Variants in PKP1 observed in about 807,000 individuals in gnomAD.
The protein encoded by PKP1 is plakophilin-1.
In PKP1, 27 loss-of-function variants were observed where a neutral mutation model predicts 76.4. The ratio of observed to expected loss-of-function variants is 0.35; its 90% CI spans 0.26 to 0.49. The LOEUF is 0.49. PKP1 is among the 20% of genes least tolerant of loss of function. PKP1 has a pLI of 0.99. For missense variants in PKP1, 964 were observed against 955.2 expected, an observed-to-expected ratio of 1.01 and a Z score of -0.12; for synonymous variants, 404 against 384.2, an observed-to-expected ratio of 1.05 and a Z score of -0.60.
At chr1:201,320,204 C>T (rs1019156719) in intron 6 of PKP1, 63 bp from the exon 7 acceptor site, 1 of 1,051,532 alleles carries the variant, frequency 9.5e-7, no homozygotes, top group Non-Finnish European at 1.5e-6. Flanking sequence ...CTCTCTTGTC[C>T]CCACCTTCCC....
At chr1:201,311,287 GA>G (rs1035325551) in intron 2 of PKP1, among the ~76,000 whole-genome samples, 7 of 152,314 alleles carry the variant, frequency 4.6e-5, no homozygotes, top group African/African-American at 1.4e-4. Flanking sequence ...CAGATGCTCA[GA>G]AAATTGCCCA....
intron 11 of PKP1, 63 bp from the exon 12 acceptor site, chr1:201,325,691 G>A: frequency 1.6e-6 from 2 of 1,250,156 alleles, no homozygotes; most frequent in Non-Finnish European, 1.2e-6. Flanking sequence ...TGGGAGGGAA[G>A]AGGGTGCTCC....
At chr1:201,325,273 G>A (rs962210728) in intron 11 of PKP1, 146 bp downstream of exon 11, 8 of 834,696 alleles carry the variant, frequency 9.6e-6, no homozygotes, top group Admixed American at 2.0e-5. Flanking sequence ...CTTGAATGGA[G>A]GAGAAGTTCC....
chr1:201,287,214 G>C (rs1411867207), intron 1 of PKP1, among the ~76,000 whole-genome samples: 3 of 152,166 alleles, frequency 2.0e-5, no homozygotes, highest in Non-Finnish European at 2.9e-5. Context: ...ATCAGAGGTA[G>C]GGGCTGGAGG....
At chr1:201,300,792 T>A (rs1456864955) in intron 2 of PKP1, among the ~76,000 whole-genome samples, 3 of 152,134 alleles carry the variant, frequency 2.0e-5, no homozygotes, top group Non-Finnish European at 4.4e-5. Flanking sequence ...ATGCAAGTGG[T>A]GTCCTCCAAG....
At chr1:201,314,557 T>C (rs1183321388) in intron 3 of PKP1, among the ~76,000 whole-genome samples, 2 of 152,172 alleles carry the variant, frequency 1.3e-5, no homozygotes, top group Admixed American at 6.5e-5. Context: ...ACAACTCCTG[T>C]GCATACATGT....
chr1:201,328,165 G>A, intron 12 of PKP1, among the ~76,000 whole-genome samples: 1 of 152,146 alleles, frequency 6.6e-6, no homozygotes, highest in South Asian at 2.1e-4. Context: ...ACATTCACTT[G>A]GAAGCATGTA....
At chr1:201,319,636 C>T (rs1656876033) in intron 6 of PKP1, among the ~76,000 whole-genome samples, 1 of 152,168 alleles carries the variant, frequency 6.6e-6, no homozygotes, top group African/African-American at 2.4e-5. Flanking sequence ...CAGCCACACC[C>T]CACCTGCACC....
chr1:201,299,139 C>A (rs142762318), intron 2 of PKP1, among the ~76,000 whole-genome samples: 1 of 152,178 alleles, frequency 6.6e-6, no homozygotes, highest in Admixed American at 6.5e-5. Flanking sequence ...CTTACCAATC[C>A]GCAGTCAACA....
intron 2 of PKP1, among the ~76,000 whole-genome samples, chr1:201,307,037 T>G (rs556223936): frequency 6.6e-6 from 1 of 152,350 alleles, no homozygotes; most frequent in East Asian, 1.9e-4. Flanking sequence ...AAGGTGTTTA[T>G]GGCTTCTGCT....
In PKP1 at chr1:201,283,573, A is replaced by G. The variant is rs861275; in HGVS notation, c.-130A>G. ...GCTGCAGGGAGCCCTCACGCGGACC[A>G]CGCACTCTATGGCCGTAGGGAGCCG... On this transcript the variant is annotated 5_prime_UTR_variant, in exon 1 of 14. Transcript: ENST00000367324. The G allele has an allele frequency of 4.8e-6, 4 of 830,756 alleles. No individual in the cohort carries two copies. In the African/African-American group the frequency reaches 6.8e-5, roughly 14 times the overall value. The allele number at this position is 830,756 out of a possible 1,614,324, so 51.5% of individuals were successfully genotyped here. A position where few individuals can be genotyped will look rare whatever the true frequency, so the allele number is the denominator to read the frequency against.
intron 2 of PKP1, among the ~76,000 whole-genome samples, chr1:201,299,958 A>G (rs1019564599): frequency 3.9e-5 from 6 of 152,246 alleles, no homozygotes; most frequent in African/African-American, 1.4e-4. Flanking sequence ...AGGGACTGAT[A>G]GTAGACCACA....
At chr1:201,319,700 C>A in intron 6 of PKP1, 4 of 1,001,698 alleles carry the variant, frequency 4.0e-6, no homozygotes, top group Non-Finnish European at 6.3e-6. Context: ...TGGGAGTGAG[C>A]CTACTGCTGG....
At chr1:201,287,518 GTAA>G (rs1655776605) in intron 1 of PKP1, among the ~76,000 whole-genome samples, 2 of 152,204 alleles carry the variant, frequency 1.3e-5, no homozygotes, top group African/African-American at 4.8e-5. Context: ...ATTGCAGATG[GTAA>G]TGGCTATGTG....
chr1:201,314,230 G>A (rs832149), intron 3 of PKP1, among the ~76,000 whole-genome samples: 22,504 of 152,160 alleles, frequency 0.15, 1,828 homozygotes, highest in East Asian at 0.19. Flanking sequence ...AGGCAGGAGC[G>A]GGTAGAGGGT....
At chr1:201,286,041 C>A (rs985089974) in intron 1 of PKP1, among the ~76,000 whole-genome samples, 1 of 152,218 alleles carries the variant, frequency 6.6e-6, no homozygotes, top group African/African-American at 2.4e-5. Flanking sequence ...TCTGGTTTAT[C>A]TGGCTTAGTT....
chr1:201,322,155 C>A lies in PKP1; in HGVS notation c.1503+22C>A, dbSNP rs1772832. Reference sequence around the variant, plus strand: ...GATGGTGAGCACAGCATCAGCAGGGCGGGGCCTGCCCCATCAAGCACCCCC... The same window carrying A: ...GATGGTGAGCACAGCATCAGCAGGGAGGGGCCTGCCCCATCAAGCACCCCC... On this transcript the variant is annotated intron_variant, in intron 8 of 13. Coordinates refer to ENST00000367324, the MANE Select transcript of PKP1 (RefSeq NM_001005337.3). The A allele has an allele frequency of 1.9e-6, 3 of 1,606,186 alleles. No homozygotes were observed. The South Asian group carries it at 3.3e-5, about 18-fold the overall frequency.
chr1:201,318,597 T>G (rs376919433), intron 5 of PKP1, 21 bp from the exon 6 acceptor site: 1 of 1,611,556 alleles, frequency 6.2e-7, no homozygotes, highest in Non-Finnish European at 8.5e-7. Context: ...ACAAATTGGG[T>G]TGATGGTCTC....
At chr1:201,326,580 T>A (rs1657133378) in intron 12 of PKP1, among the ~76,000 whole-genome samples, 1 of 152,230 alleles carries the variant, frequency 6.6e-6, no homozygotes, top group African/African-American at 2.4e-5. Context: ...ACTATGGTTA[T>A]ATTCATAAAG....
Sources: gnomAD v4.1 joint callset for allele counts (sites outside exome capture counted in the v4.1 genomes callset) on GRCh38, gnomAD v4.1.1 for gene constraint, MANE v1.5 for transcripts, NCBI Gene and HGNC (gene_info 2026-07-23, HGNC 2026-07-21) for gene names.